The following C1GALT1 variants were observed in gnomAD, a reference collection of about 807,000 sequenced individuals.
The protein encoded by C1GALT1 is core 1 synthase, glycoprotein-N-acetylgalactosamine 3-beta-galactosyltransferase 1.
In C1GALT1, 11 loss-of-function variants were observed where a neutral mutation model predicts 31.0. The observed-to-expected ratio is 0.36, with a 90% CI of 0.22 to 0.59. The LOEUF (loss-of-function observed/expected upper bound fraction) is 0.59, where lower values mean the gene tolerates loss of function less well. Ranked by LOEUF, C1GALT1 falls within the 20% of genes least tolerant of loss-of-function variation. The pLI is 0.79. For missense variants in C1GALT1, 424 were observed against 425.2 expected (o/e 1.00, Z 0.03); for synonymous variants, 175 against 143.6 (o/e 1.22, Z -1.56).
upstream of C1GALT1, among the ~76,000 whole-genome samples, chr7:7,179,271 A>G (rs574356860): frequency 6.6e-6 from 1 of 152,242 alleles, no homozygotes; most frequent in Non-Finnish European, 1.5e-5. Context: ...TCTATTCATG[A>G]GAACAAGTCA....
intron 1 of C1GALT1, 75 bp downstream of exon 1, chr7:7,182,895 T>G (rs1395156558): frequency 1.0e-6 from 1 of 959,918 alleles, no homozygotes; most frequent in Non-Finnish European, 1.2e-6. Flanking sequence ...CTCTCCGGGT[T>G]GGTGGGGAAG....
At chr7:7,220,783 G>A (rs1782477615) in intron 1 of C1GALT1, among the ~76,000 whole-genome samples, 1 of 152,156 alleles carries the variant, frequency 6.6e-6, no homozygotes, top group South Asian at 2.1e-4. Context: ...GCCTCCCAAA[G>A]TGCTGGGATT....
intron 2 of C1GALT1, among the ~76,000 whole-genome samples, chr7:7,236,511 C>G (rs926221959): frequency 6.6e-6 from 1 of 151,920 alleles, no homozygotes; most frequent in African/African-American, 2.4e-5. Flanking sequence ...CTCAGAGGGA[C>G]ATGAGAATTT....
intron 1 of C1GALT1, among the ~76,000 whole-genome samples, chr7:7,234,048 A>G (rs929604213): frequency 6.6e-6 from 1 of 152,196 alleles, no homozygotes; most frequent in Non-Finnish European, 1.5e-5. Context: ...TGGGAAGAAT[A>G]GGAAATTCTG....
intron 1 of C1GALT1, among the ~76,000 whole-genome samples, chr7:7,232,232 G>T (rs1028836854): frequency 1.3e-5 from 2 of 152,024 alleles, no homozygotes; most frequent in African/African-American, 4.8e-5. Flanking sequence ...TTTACATTTT[G>T]TTCAGTTTTT....
chr7:7,207,286 G>A (rs889046056), intron 1 of C1GALT1, among the ~76,000 whole-genome samples: 2 of 124,232 alleles, frequency 1.6e-5, no homozygotes, highest in African/African-American at 2.9e-5. Flanking sequence ...CAGAATTTTT[G>A]TGTGTATCCT....
chr7:7,199,581 C>G (rs1017986995), intron 1 of C1GALT1, among the ~76,000 whole-genome samples: 1 of 145,434 alleles, frequency 6.9e-6, no homozygotes, highest in Non-Finnish European at 1.5e-5. Context: ...GAGTTCAATT[C>G]CTGGATATCC....
chr7:7,213,652 A>G (rs1782107537), intron 1 of C1GALT1, among the ~76,000 whole-genome samples: 1 of 152,204 alleles, frequency 6.6e-6, no homozygotes, highest in Non-Finnish European at 1.5e-5. Flanking sequence ...TTACTGTGAC[A>G]TGAAAATTTT....
intron 1 of C1GALT1, among the ~76,000 whole-genome samples, chr7:7,217,936 C>T (rs768761808): frequency 3.3e-5 from 5 of 152,146 alleles, no homozygotes; most frequent in Non-Finnish European, 5.9e-5. Context: ...AGCTAGATGG[C>T]TCTTGCAAGC....
intron 2 of C1GALT1, chr7:7,235,237 G>A (rs1783283048): frequency 6.6e-6 from 1 of 152,062 alleles, no homozygotes; most frequent in South Asian, 2.1e-4. Context: ...TGCAAAATAC[G>A]GTTTGACAGA....
intron 2 of C1GALT1, among the ~76,000 whole-genome samples, chr7:7,160,628 G>A (rs1303272003): frequency 1.3e-5 from 2 of 152,098 alleles, no homozygotes; most frequent in Non-Finnish European, 2.9e-5. Flanking sequence ...GAGAAGTCAA[G>A]TTCAGTTCAA....
intron 2 of C1GALT1, among the ~76,000 whole-genome samples, chr7:7,172,089 G>A (rs934615227): frequency 9.2e-5 from 14 of 152,114 alleles, no homozygotes; most frequent in Admixed American, 5.9e-4. Flanking sequence ...GCTGGCTAGT[G>A]TCTTTTCATT....
At chr7:7,232,216 T>C (rs1783106002) in intron 1 of C1GALT1, among the ~76,000 whole-genome samples, 1 of 152,210 alleles carries the variant, frequency 6.6e-6, no homozygotes, top group African/African-American at 2.4e-5. Context: ...CACATATTTA[T>C]ATTTTTTTAC....
intron 1 of C1GALT1, among the ~76,000 whole-genome samples, chr7:7,200,240 T>C (rs1781478314): frequency 6.6e-6 from 1 of 152,222 alleles, no homozygotes; most frequent in Non-Finnish European, 1.5e-5. Context: ...GGCCTGGTGG[T>C]GACAAAATCT....
chr7:7,239,288 G>A (rs1405152423), intron 3 of C1GALT1, among the ~76,000 whole-genome samples: 1 of 152,208 alleles, frequency 6.6e-6, no homozygotes, highest in Non-Finnish European at 1.5e-5. Context: ...AATAAGCCAA[G>A]TAAGGGGATG....
chr7:7,212,483 T>A (rs7790219), intron 1 of C1GALT1, among the ~76,000 whole-genome samples: 2 of 152,008 alleles, frequency 1.3e-5, no homozygotes, highest in African/African-American at 4.8e-5. Context: ...GTAATTACAG[T>A]TAGTCTCCAA....
chr7:7,210,352 T>G (rs771022749), intron 1 of C1GALT1: 1 of 151,860 alleles, frequency 6.6e-6, no homozygotes, highest in Non-Finnish European at 1.5e-5. Context: ...TGGCTTTGTA[T>G]TATAGAAATG....
chr7:7,199,095 C>T (rs1480893525), intron 1 of C1GALT1, among the ~76,000 whole-genome samples: 1 of 152,106 alleles, frequency 6.6e-6, no homozygotes, highest in African/African-American at 2.4e-5. Flanking sequence ...AATGTGTTTG[C>T]TCTTGCTTCT....
rs1450254728 is a variant in C1GALT1 at position 7,243,948 on chromosome 7, A to T, written c.*221A>T. On this transcript the variant is annotated 3_prime_UTR_variant, in exon 4 of 4. Coordinates refer to ENST00000436587, the MANE Select transcript of C1GALT1 (RefSeq NM_020156.5). ...GTAATATATAAATATGTCTATATATATGAGGAACTTGTGTTTTTTAAATGG... is the reference window on the plus strand; with the variant it reads ...GTAATATATAAATATGTCTATATATTTGAGGAACTTGTGTTTTTTAAATGG... 1.3e-5 allele frequency: 4 copies of T among 301,582 alleles called. No homozygotes were observed. The highest frequency in any genetic ancestry group is 1.8e-5 in the Non-Finnish European group (3 of 166,212). 18.7% of individuals were successfully genotyped at this position (301,582 alleles called of 1,614,324 possible). A position where few individuals can be genotyped will look rare whatever the true frequency, so the allele number is the denominator to read the frequency against.
Sources: allele counts gnomAD v4.1 joint callset (sites outside exome capture counted in the v4.1 genomes callset), GRCh38; gene constraint gnomAD v4.1.1; transcripts MANE v1.5; gene names NCBI Gene and HGNC (gene_info 2026-07-23, HGNC 2026-07-21).